The following SYN3 variants were observed in gnomAD, a reference collection of about 807,000 sequenced individuals.
The protein encoded by SYN3 is synapsin-3.
SYN3 carries 35 observed loss-of-function variants against 65.8 expected under a neutral mutation model. That is an observed-to-expected ratio of 0.53 (90% CI 0.41 to 0.70). The LOEUF (loss-of-function observed/expected upper bound fraction) is 0.70, where lower values mean the gene tolerates loss of function less well. Ranked by LOEUF, SYN3 falls within the 30% of genes least tolerant of loss-of-function variation. SYN3 has a pLI of 0.00. For synonymous variants in SYN3, 270 were observed against 292.9 expected, an observed-to-expected ratio of 0.92 and a Z score of 0.80; for missense variants, 680 against 749.0, an observed-to-expected ratio of 0.91 and a Z score of 1.08.
intron 6 of SYN3, among the ~76,000 whole-genome samples, chr22:32,830,475 G>A (rs572630683): frequency 1.4e-4 from 22 of 152,266 alleles, no homozygotes; most frequent in African/African-American, 4.6e-4. Flanking sequence ...TCATGTCTTT[G>A]CCCTGTGTGC....
intron 1 of SYN3, among the ~76,000 whole-genome samples, chr22:33,015,842 T>TTC (rs2053454577): frequency 2.1e-5 from 3 of 143,216 alleles, no homozygotes; most frequent in South Asian, 4.3e-4. Flanking sequence ...CAAATTTTCT[T>TTC]TTCTTTTTTT....
intron 6 of SYN3, chr22:32,860,382 C>T (rs989882762): frequency 6.6e-6 from 1 of 152,636 alleles, no homozygotes; most frequent in Non-Finnish European, 1.5e-5. Flanking sequence ...TGTTTGTATA[C>T]ACATTTGCAT....
intron 6 of SYN3, among the ~76,000 whole-genome samples, chr22:32,683,233 G>T (rs1218138433): frequency 6.6e-6 from 1 of 152,116 alleles, no homozygotes; most frequent in Non-Finnish European, 1.5e-5. Context: ...TTCTGCGGAG[G>T]GGAGCGGGGT....
chr22:32,795,987 G>T (rs1353327129), intron 6 of SYN3, among the ~76,000 whole-genome samples: 2 of 152,158 alleles, frequency 1.3e-5, no homozygotes, highest in South Asian at 2.1e-4. Context: ...CCCAAGGCAT[G>T]ACAGCACCTG....
At chr22:32,764,241 C>T (rs113921342) in intron 6 of SYN3, among the ~76,000 whole-genome samples, 3 of 152,098 alleles carry the variant, frequency 2.0e-5, no homozygotes, top group Non-Finnish European at 2.9e-5. Context: ...CTGTGCCTGG[C>T]GAAGACCCCA....
chr22:32,996,095 C>T (rs915378647), intron 2 of SYN3, among the ~76,000 whole-genome samples: 4 of 152,148 alleles, frequency 2.6e-5, no homozygotes, highest in African/African-American at 9.7e-5. Flanking sequence ...GACTCTCTTC[C>T]AGGGCATCCT....
intron 4 of SYN3, among the ~76,000 whole-genome samples, chr22:32,923,259 G>A (rs1221177433): frequency 6.6e-6 from 1 of 152,188 alleles, no homozygotes; most frequent in Admixed American, 6.5e-5. Flanking sequence ...AGGTGTCCCA[G>A]GTCAAGAGAG....
intron 4 of SYN3, among the ~76,000 whole-genome samples, chr22:32,915,751 G>A (rs2050170381): frequency 6.6e-6 from 1 of 152,160 alleles, no homozygotes; most frequent in Non-Finnish European, 1.5e-5. Context: ...ACCATAGTCA[G>A]GATTGTGAAT....
intron 6 of SYN3, among the ~76,000 whole-genome samples, chr22:32,597,897 C>CCA (rs1226333933): frequency 1.3e-5 from 2 of 152,174 alleles, no homozygotes; most frequent in African/African-American, 2.4e-5. Flanking sequence ...GTATACTTCC[C>CCA]CACACACACC....
At chr22:32,976,776 T>TG (rs1241356512) in intron 3 of SYN3, among the ~76,000 whole-genome samples, 1 of 152,088 alleles carries the variant, frequency 6.6e-6, no homozygotes, top group Non-Finnish European at 1.5e-5. Context: ...GTTTTTAGAC[T>TG]GGGGGGAAGA....
At chr22:32,960,179 C>G (rs2051604013) in intron 3 of SYN3, among the ~76,000 whole-genome samples, 1 of 152,148 alleles carries the variant, frequency 6.6e-6, no homozygotes, top group Non-Finnish European at 1.5e-5. Flanking sequence ...TTAGCCAAGA[C>G]TTGGAGATAC....
intron 6 of SYN3, 75 bp downstream of exon 6, chr22:32,864,840 C>A: frequency 1.4e-6 from 2 of 1,390,702 alleles, no homozygotes; most frequent in South Asian, 1.2e-5. Flanking sequence ...CCTCCTCCAT[C>A]CAAAGAGACC....
At chr22:32,572,705 C>T (rs1409431438) in intron 7 of SYN3, among the ~76,000 whole-genome samples, 1 of 151,924 alleles carries the variant, frequency 6.6e-6, no homozygotes, top group Non-Finnish European at 1.5e-5. Flanking sequence ...GCCTCAGTCT[C>T]CCAAAGTGTC....
intron 3 of SYN3, among the ~76,000 whole-genome samples, chr22:32,945,347 A>T (rs1319589272): frequency 2.6e-5 from 4 of 152,212 alleles, no homozygotes; most frequent in Non-Finnish European, 5.9e-5. Flanking sequence ...ACAGAGATAT[A>T]GACCAATGGA....
intron 3 of SYN3, among the ~76,000 whole-genome samples, chr22:32,938,005 C>T (rs556567371): frequency 2.0e-5 from 3 of 152,042 alleles, no homozygotes; most frequent in Admixed American, 2.0e-4. Context: ...GAAAACTGGA[C>T]CTAACAAGTT....
At chr22:32,762,875 G>GC (rs879465818) in intron 6 of SYN3, among the ~76,000 whole-genome samples, 20 of 151,912 alleles carry the variant, frequency 1.3e-4, no homozygotes, top group Admixed American at 1.2e-3. Flanking sequence ...AATGCACAGG[G>GC]AAGAGCTTGG....
intron 6 of SYN3, among the ~76,000 whole-genome samples, chr22:32,676,235 T>A (rs1398254541): frequency 3.5e-5 from 4 of 114,286 alleles, no homozygotes; most frequent in South Asian, 7.0e-4. Flanking sequence ...ATGTCCACAA[T>A]GCTGGTTCAT....
chr22:32,631,165 T>G (rs564707578), intron 6 of SYN3, among the ~76,000 whole-genome samples: 442 of 152,136 alleles, frequency 2.9e-3, no homozygotes, highest in Middle Eastern at 0.02. Context: ...CGTGGTGGCA[T>G]GCGCCTGTAA....
chr22:32,658,287 G>A (rs1224422032), intron 6 of SYN3, among the ~76,000 whole-genome samples: 7 of 152,250 alleles, frequency 4.6e-5, no homozygotes, highest in Non-Finnish European at 1.5e-5. Flanking sequence ...TGGGTAGGCT[G>A]TGCTGGCAGC....
Sources: gnomAD v4.1 joint callset for allele counts (sites outside exome capture counted in the v4.1 genomes callset) on GRCh38, gnomAD v4.1.1 for gene constraint, MANE v1.5 for transcripts, NCBI Gene and HGNC (gene_info 2026-07-23, HGNC 2026-07-21) for gene names.